The following FRAS1 variants were observed in gnomAD, a reference collection of about 807,000 sequenced individuals.
The protein encoded by FRAS1 is extracellular matrix organizing protein FRAS1.
FRAS1 carries 290 observed loss-of-function variants against 435.2 expected under a neutral mutation model. That is an observed-to-expected ratio of 0.67 (90% CI 0.61 to 0.73). The LOEUF (loss-of-function observed/expected upper bound fraction) is 0.73. FRAS1 is among the 30% of genes least tolerant of loss of function. FRAS1 has a pLI of 0.00. For synonymous variants in FRAS1, 1,800 were observed against 1,851.0 expected (o/e 0.97, Z 0.71); for missense variants, 4,860 against 5,001.5 (o/e 0.97, Z 0.85).
At chr4:78,243,719 TATA>T (rs1471377914) in intron 3 of FRAS1, among the ~76,000 whole-genome samples, 1 of 152,072 alleles carries the variant, frequency 6.6e-6, no homozygotes, top group African/African-American at 2.4e-5. Flanking sequence ...TACATATTAT[TATA>T]TTTATAAAAT....
At chr4:78,277,319 G>T (rs112973124) in intron 9 of FRAS1, among the ~76,000 whole-genome samples, 6 of 152,218 alleles carry the variant, frequency 3.9e-5, no homozygotes, top group African/African-American at 1.4e-4. Flanking sequence ...TGCATCCACT[G>T]TCCTGCACCC....
intron 47 of FRAS1, 85 bp from the exon 48 acceptor site, chr4:78,463,936 G>T (rs1266894607): frequency 9.2e-6 from 13 of 1,408,906 alleles, no homozygotes; most frequent in Non-Finnish European, 2.0e-6. Flanking sequence ...TCTCTATCTG[G>T]TGAGAGTATG....
At chr4:78,342,961 GC>G (rs1730453134) in intron 20 of FRAS1, among the ~76,000 whole-genome samples, 1 of 152,150 alleles carries the variant, frequency 6.6e-6, no homozygotes, top group Admixed American at 6.5e-5. Context: ...GAGAATGTGA[GC>G]AAAAGAAGAC....
chr4:78,513,582 T>C (rs898155134), intron 65 of FRAS1, 30 bp downstream of exon 65: 11 of 1,599,348 alleles, frequency 6.9e-6, no homozygotes, highest in Non-Finnish European at 9.4e-6. Context: ...GACTGGTCTT[T>C]CCATGCTAGC....
intron 18 of FRAS1, among the ~76,000 whole-genome samples, chr4:78,328,393 A>G (rs551448615): frequency 2.0e-5 from 3 of 152,352 alleles, no homozygotes; most frequent in East Asian, 3.9e-4. Flanking sequence ...TAATGGTATC[A>G]TCAGACATAT....
At chr4:78,359,963 C>T (rs1018117143) in intron 20 of FRAS1, among the ~76,000 whole-genome samples, 8 of 152,246 alleles carry the variant, frequency 5.3e-5, no homozygotes, top group East Asian at 3.9e-4. Flanking sequence ...TTCAGAGTCT[C>T]TCCAACTCTT....
chr4:78,329,641 A>G (rs878977793), intron 18 of FRAS1, among the ~76,000 whole-genome samples: 11 of 152,238 alleles, frequency 7.2e-5, no homozygotes, highest in Admixed American at 2.6e-4. Flanking sequence ...CTCGAGTACC[A>G]CATGCAAATG....
Position 78,369,748 on chromosome 4 carries a change from T to C in FRAS1, c.2723-90T>C, listed in dbSNP as rs976329291. On this transcript the variant is annotated intron_variant, in intron 22 of 73. Coordinates refer to ENST00000512123, the MANE Select transcript of FRAS1 (RefSeq NM_025074.7). ...TGTAGAGCAGGTTGGAACAAGGCTTTGTTCCTATGCAACATCTGTCTAGGT... is the reference window on the plus strand; with the variant it reads ...TGTAGAGCAGGTTGGAACAAGGCTTCGTTCCTATGCAACATCTGTCTAGGT... 4 of 1,216,020 alleles carry C rather than the reference T, an allele frequency of 3.3e-6. No homozygotes were observed. The Middle Eastern group carries it at 6.4e-4, about 195-fold the overall frequency. The allele number at this position is 1,216,020 out of a possible 1,614,324, so 75.3% of individuals were successfully genotyped here. A position where few individuals can be genotyped will look rare whatever the true frequency, so the allele number is the denominator to read the frequency against.
At chr4:78,148,736 C>T (rs1720516266) in intron 2 of FRAS1, among the ~76,000 whole-genome samples, 1 of 152,168 alleles carries the variant, frequency 6.6e-6, no homozygotes, top group Non-Finnish European at 1.5e-5. Flanking sequence ...ACCTGATCAA[C>T]TTCTCAAGGT....
chr4:78,109,107 AT>A (rs1347834106), intron 2 of FRAS1, among the ~76,000 whole-genome samples: 1 of 66,900 alleles, frequency 1.5e-5, no homozygotes, highest in East Asian at 3.3e-4. Context: ...GCAATAATCA[AT>A]AGTTTACCAA....
chr4:78,161,304 C>G (rs953745973), intron 2 of FRAS1, among the ~76,000 whole-genome samples: 17 of 151,608 alleles, frequency 1.1e-4, no homozygotes, highest in Non-Finnish European at 2.5e-4. Context: ...ATATATAAAC[C>G]CTACTTTATT....
intron 2 of FRAS1, among the ~76,000 whole-genome samples, chr4:78,154,380 G>A (rs1359690263): frequency 6.6e-6 from 1 of 152,038 alleles, no homozygotes; most frequent in Non-Finnish European, 1.5e-5. Flanking sequence ...AACTTGCTCA[G>A]GATAACCTTG....
At chr4:78,295,134 A>G (rs538102375) in intron 14 of FRAS1, among the ~76,000 whole-genome samples, 8 of 152,354 alleles carry the variant, frequency 5.3e-5, no homozygotes, top group South Asian at 2.1e-4. Flanking sequence ...TGGCTATGCA[A>G]TCATTCATTT....
rs1467665741 is a variant in FRAS1, at chr4:78,540,698, C to T, written c.11613C>T (p.Asp3871=). The T allele has an allele frequency of 1.9e-6, 3 of 1,613,636 alleles. No homozygotes were observed. In the African/African-American group the frequency reaches 4.0e-5, roughly 22 times the overall value. ...TCCTTGATGATTCCCTCATCTATGA[C>T]AATGAAGGAGACCAAGTCAAGAATG... is the stretch of plus-strand genomic sequence containing the variant. ...QLILDDSLIY[D]NEGDQVKNGT... Residue 3871 remains aspartate, a synonymous_variant, in exon 74 of 74, where the codon GAC becomes GAT. Coordinates refer to ENST00000512123, the MANE Select transcript of FRAS1 (RefSeq NM_025074.7).
chr4:78,287,014 C>T (rs1290926503), intron 14 of FRAS1, among the ~76,000 whole-genome samples: 1 of 152,138 alleles, frequency 6.6e-6, no homozygotes, highest in Non-Finnish European at 1.5e-5. Context: ...ATAGAACTAC[C>T]TGAGACTGGA....
intron 2 of FRAS1, among the ~76,000 whole-genome samples, chr4:78,209,683 TCTG>T (rs1723421569): frequency 6.6e-6 from 1 of 152,200 alleles, no homozygotes; most frequent in South Asian, 2.1e-4. Context: ...GTTCTGTGGT[TCTG>T]AGGGCAGATC....
chr4:78,458,870 A>G (rs1243452433), intron 47 of FRAS1, among the ~76,000 whole-genome samples: 1 of 152,222 alleles, frequency 6.6e-6, no homozygotes, highest in Non-Finnish European at 1.5e-5. Context: ...AAATACAATG[A>G]AATAAGGCAG....
At chr4:78,310,885 G>C (rs964100207) in intron 15 of FRAS1, among the ~76,000 whole-genome samples, 1 of 152,204 alleles carries the variant, frequency 6.6e-6, no homozygotes, top group Non-Finnish European at 1.5e-5. Context: ...GCCTGTATCT[G>C]TAGAAATCTC....
Position 78,539,353 on chromosome 4 carries a change from C to T in FRAS1, c.11358C>T (p.His3786=). The change falls in exon 73 of 74, where the codon CAC becomes CAT. Residue 3786 remains histidine (H), a synonymous_variant. Coordinates refer to ENST00000512123, the MANE Select transcript of FRAS1 (RefSeq NM_025074.7). ...KYFHDVPFEA[H]FASELPDFHV... The stretch of plus-strand genomic sequence containing the variant: ...TCCATGATGTGCCTTTTGAGGCTCA[C>T]TTTGCCTCTGAGTTGCCTGATTTCC... The T allele has an allele frequency of 6.2e-7, 1 of 1,613,090 alleles. No individual in the cohort carries two copies. Among genetic ancestry groups the T allele is most frequent in the African/African-American group, 1.3e-5 (1 of 74,964 alleles).
Sources: allele counts gnomAD v4.1 joint callset (sites outside exome capture counted in the v4.1 genomes callset), GRCh38; gene constraint gnomAD v4.1.1; transcripts MANE v1.5; gene names NCBI Gene and HGNC (gene_info 2026-07-23, HGNC 2026-07-21).